Variants in LDB2 observed in about 807,000 individuals in gnomAD.
The protein encoded by LDB2 is LIM domain binding 2, also known as LIM domain-binding protein 2.
Under a neutral mutation model 44.3 loss-of-function variants are expected in LDB2, and 12 were observed. The observed-to-expected ratio is 0.27, with a 90% CI of 0.17 to 0.44. The LOEUF (loss-of-function observed/expected upper bound fraction) is 0.44, where lower values mean the gene tolerates loss of function less well. LDB2 is among the 20% of genes least tolerant of loss of function. LDB2 has a pLI of 1.00. For synonymous variants in LDB2, 164 were observed against 174.8 expected (o/e 0.94, Z 0.49); for missense variants, 344 against 473.5 (o/e 0.73, Z 2.54).
chr4:16,562,352 T>A (rs1319642046), intron 5 of LDB2, among the ~76,000 whole-genome samples: 1 of 152,054 alleles, frequency 6.6e-6, no homozygotes, highest in Non-Finnish European at 1.5e-5. Flanking sequence ...GAATCTACAA[T>A]GTACTCAAAC....
At chr4:16,592,336 A>G (rs993957466) in intron 3 of LDB2, among the ~76,000 whole-genome samples, 1 of 151,624 alleles carries the variant, frequency 6.6e-6, no homozygotes, top group Non-Finnish European at 1.5e-5. Context: ...TGTTTATGTA[A>G]TTTTCTGAGT....
chr4:16,599,547 C>T (rs1399078340), intron 2 of LDB2, among the ~76,000 whole-genome samples: 3 of 152,128 alleles, frequency 2.0e-5, no homozygotes, highest in African/African-American at 4.8e-5. Flanking sequence ...AATTCAAACA[C>T]GGATACCTTG....
At chr4:16,753,652 C>T (rs2109132074) in intron 2 of LDB2, among the ~76,000 whole-genome samples, 1 of 152,260 alleles carries the variant, frequency 6.6e-6, no homozygotes, top group African/African-American at 2.4e-5. Context: ...AATGTCCCTC[C>T]AGCAGCCATG....
intron 2 of LDB2, among the ~76,000 whole-genome samples, chr4:16,690,679 C>G (rs1263249820): frequency 1.3e-5 from 2 of 151,928 alleles, no homozygotes; most frequent in East Asian, 1.9e-4. Flanking sequence ...AATGGACAAC[C>G]CTCAGGCTCA....
Position 16,521,063 on chromosome 4 carries a change from A to C in LDB2, c.616-8959T>G, listed in dbSNP as rs191446595. Among the ~76,000 whole-genome samples the C allele has an allele frequency of 2.6e-5, 4 of 152,258 alleles. No individual in the cohort carries two copies. The South Asian group carries it at 8.3e-4, about 32-fold the overall frequency. ...CATTATTTCCCAGCTGTCTTTGCCA[A>C]CTGGCTTCAGGCGAGGTTTGGCCAG... On this transcript the variant is annotated intron_variant, in intron 5 of 7. Coordinates refer to ENST00000304523, the MANE Select transcript of LDB2 (RefSeq NM_001290.5).
intron 6 of LDB2, among the ~76,000 whole-genome samples, chr4:16,509,504 A>T (rs1425995102): frequency 6.6e-6 from 1 of 152,236 alleles, no homozygotes; most frequent in East Asian, 1.9e-4. Context: ...AAAGTGTGAT[A>T]AGAGAAATAT....
chr4:16,726,722 CAG>C (rs1253906666), intron 2 of LDB2, among the ~76,000 whole-genome samples: 1 of 152,180 alleles, frequency 6.6e-6, no homozygotes, highest in Admixed American at 6.5e-5. Context: ...TCCAATCAAA[CAG>C]AATCATTACC....
At chr4:16,672,640 A>G (rs1161845243) in intron 2 of LDB2, among the ~76,000 whole-genome samples, 1 of 152,224 alleles carries the variant, frequency 6.6e-6, no homozygotes, top group African/African-American at 2.4e-5. Context: ...TATTATGGGC[A>G]AAAAAGAGCC....
At chr4:16,645,961 G>A (rs773993153) in intron 2 of LDB2, among the ~76,000 whole-genome samples, 26 of 152,194 alleles carry the variant, frequency 1.7e-4, no homozygotes, top group Non-Finnish European at 3.4e-4. Context: ...TCAGAAAGTG[G>A]AGAGCACCCA....
chr4:16,627,837 A>T (rs1730703826), intron 2 of LDB2, among the ~76,000 whole-genome samples: 1 of 152,222 alleles, frequency 6.6e-6, no homozygotes, highest in African/African-American at 2.4e-5. Context: ...GGCTTCCATC[A>T]TGGGTGACTT....
chr4:16,719,259 C>T (rs918349706), intron 2 of LDB2, among the ~76,000 whole-genome samples: 1 of 151,968 alleles, frequency 6.6e-6, no homozygotes, highest in Non-Finnish European at 1.5e-5. Context: ...TCAGTAAAGG[C>T]TAAAATAATT....
chr4:16,644,612 T>A (rs1308080773), intron 2 of LDB2, among the ~76,000 whole-genome samples: 1 of 152,062 alleles, frequency 6.6e-6, no homozygotes, highest in Non-Finnish European at 1.5e-5. Context: ...GTGTTTTTAG[T>A]AGAGACGGGG....
At chr4:16,872,927 C>T (rs1408755669) in intron 1 of LDB2, among the ~76,000 whole-genome samples, 4 of 152,128 alleles carry the variant, frequency 2.6e-5, no homozygotes, top group African/African-American at 4.8e-5. Flanking sequence ...AGATCATTGT[C>T]GGGGAGCCCA....
intron 2 of LDB2, among the ~76,000 whole-genome samples, chr4:16,655,816 T>A (rs1487253845): frequency 6.6e-6 from 1 of 151,938 alleles, no homozygotes; most frequent in Non-Finnish European, 1.5e-5. Context: ...AAAAGTCACA[T>A]GTTTGTGCAA....
chr4:16,760,087 G>A (rs1767571170), intron 1 of LDB2, among the ~76,000 whole-genome samples: 1 of 152,224 alleles, frequency 6.6e-6, no homozygotes, highest in African/African-American at 2.4e-5. Flanking sequence ...TTTACAGGAG[G>A]AATCACATCC....
intron 1 of LDB2, among the ~76,000 whole-genome samples, chr4:16,895,890 A>G (rs1421940238): frequency 6.6e-6 from 1 of 152,182 alleles, no homozygotes; most frequent in Non-Finnish European, 1.5e-5. Flanking sequence ...TACATACATC[A>G]TGATCAAAAT....
chr4:16,774,826 A>C (rs186216734), intron 1 of LDB2, among the ~76,000 whole-genome samples: 5 of 152,340 alleles, frequency 3.3e-5, no homozygotes, highest in Admixed American at 6.5e-5. Flanking sequence ...AAAAGGTTAC[A>C]TACATGCATG....
At chr4:16,866,242 G>A (rs952695801) in intron 1 of LDB2, among the ~76,000 whole-genome samples, 1 of 152,158 alleles carries the variant, frequency 6.6e-6, no homozygotes, top group Admixed American at 6.5e-5. Flanking sequence ...AAAGATGTGA[G>A]TTACAAAGTA....
At chr4:16,529,575 A>C (rs568168039) in intron 5 of LDB2, among the ~76,000 whole-genome samples, 1 of 151,892 alleles carries the variant, frequency 6.6e-6, no homozygotes, top group Non-Finnish European at 1.5e-5. Context: ...TTTGAGAGGG[A>C]TCAGAGATTG....
Sources: gnomAD v4.1 joint callset for allele counts (sites outside exome capture counted in the v4.1 genomes callset) on GRCh38, gnomAD v4.1.1 for gene constraint, MANE v1.5 for transcripts, NCBI Gene and HGNC (gene_info 2026-07-23, HGNC 2026-07-21) for gene names.